SCHIP1: variants seen among roughly 807,000 people sequenced by gnomAD.
SCHIP1 encodes the protein schwannomin-interacting protein 1.
In SCHIP1, 8 loss-of-function variants were observed where a neutral mutation model predicts 29.7. The ratio of observed to expected loss-of-function variants is 0.27; its 90% CI spans 0.16 to 0.49. SCHIP1 has a LOEUF of 0.49. Ranked by LOEUF, SCHIP1 falls within the 20% of genes least tolerant of loss-of-function variation. SCHIP1 has a pLI of 0.99. For synonymous variants in SCHIP1, 76 were observed against 94.9 expected (o/e 0.80, Z 1.16); for missense variants, 193 against 294.6 (o/e 0.66, Z 2.52).
chr3:159,589,187 T>C, the SCHIP1 span, among the ~76,000 whole-genome samples: 1 of 152,190 alleles, frequency 6.6e-6, no homozygotes, highest in Non-Finnish European at 1.5e-5. Context: ...TCACATCCCT[T>C]GTAAGTTGGA....
the SCHIP1 span, among the ~76,000 whole-genome samples, chr3:159,828,950 T>C: frequency 6.6e-6 from 1 of 152,212 alleles, no homozygotes; most frequent in African/African-American, 2.4e-5. Context: ...AGTCTTGCCT[T>C]AGCCCTGGCA....
At chr3:159,295,250 T>C in the SCHIP1 span, among the ~76,000 whole-genome samples, 5 of 77,066 alleles carry the variant, frequency 6.5e-5, no homozygotes, top group South Asian at 1.4e-3. Flanking sequence ...ATTCTATCTC[T>C]ACTAAAAAAA....
At chr3:159,337,800 A>G in the SCHIP1 span, among the ~76,000 whole-genome samples, 4 of 152,174 alleles carry the variant, frequency 2.6e-5, no homozygotes, top group Non-Finnish European at 5.9e-5. Context: ...GTGTGGTGGC[A>G]TGAGATACTC....
the SCHIP1 span, among the ~76,000 whole-genome samples, chr3:159,442,188 G>T: frequency 6.6e-6 from 1 of 152,138 alleles, no homozygotes; most frequent in African/African-American, 2.4e-5. Flanking sequence ...GTATGCAAAA[G>T]AAACAGACTC....
exon 7 of SCHIP1, chr3:159,897,148 C>G (rs567595433): frequency 6.3e-6 from 1 of 158,180 alleles, no homozygotes; most frequent in African/African-American, 2.4e-5. Context: ...CTGTAAATGA[C>G]GGTGCTATAC....
At chr3:159,865,885 G>A (rs866261659) in intron 1 of SCHIP1, among the ~76,000 whole-genome samples, 2 of 152,164 alleles carry the variant, frequency 1.3e-5, no homozygotes, top group East Asian at 1.9e-4. Context: ...GAAAGATTAC[G>A]TGACAAATAA....
At chr3:159,792,466 C>T in the SCHIP1 span, among the ~76,000 whole-genome samples, 1 of 152,190 alleles carries the variant, frequency 6.6e-6, no homozygotes, top group Non-Finnish European at 1.5e-5. Flanking sequence ...ATAAAGGCTT[C>T]ATAAATGGTA....
At chr3:159,671,466 T>G in the SCHIP1 span, among the ~76,000 whole-genome samples, 63 of 152,296 alleles carry the variant, frequency 4.1e-4, no homozygotes, top group Admixed American at 9.2e-4. Context: ...CCAAGGCTCT[T>G]TCTCCCCATC....
intron 2 of SCHIP1, among the ~76,000 whole-genome samples, chr3:159,880,709 C>T (rs1381133333): frequency 6.6e-6 from 1 of 152,194 alleles, no homozygotes; most frequent in Non-Finnish European, 1.5e-5. Context: ...ATGAAATTTA[C>T]AGAACTATTA....
chr3:159,582,732 T>C, the SCHIP1 span, among the ~76,000 whole-genome samples: 1 of 150,818 alleles, frequency 6.6e-6, no homozygotes, highest in Non-Finnish European at 1.5e-5. Context: ...GGAACCAAAC[T>C]CAATATCTCT....
chr3:159,298,746 A>G, the SCHIP1 span, among the ~76,000 whole-genome samples: 1 of 152,236 alleles, frequency 6.6e-6, no homozygotes, highest in Non-Finnish European at 1.5e-5. Flanking sequence ...AAGGAGCAAT[A>G]ACACTGCAAG....
chr3:159,504,980 A>G, the SCHIP1 span, among the ~76,000 whole-genome samples: 1 of 152,208 alleles, frequency 6.6e-6, no homozygotes. Flanking sequence ...TTCAAAGGCC[A>G]GTAGGAGTTA....
the SCHIP1 span, among the ~76,000 whole-genome samples, chr3:159,670,709 A>G: frequency 6.6e-6 from 1 of 151,270 alleles, no homozygotes; most frequent in Non-Finnish European, 1.5e-5. Context: ...TTTTTTTAAA[A>G]AGATACTTCA....
At chr3:159,394,986 A>T in the SCHIP1 span, among the ~76,000 whole-genome samples, 2 of 152,120 alleles carry the variant, frequency 1.3e-5, no homozygotes, top group African/African-American at 2.4e-5. Flanking sequence ...ATTTTCACAA[A>T]TTCAGATCCT....
chr3:159,632,757 C>G, the SCHIP1 span, among the ~76,000 whole-genome samples: 31 of 152,116 alleles, frequency 2.0e-4, no homozygotes, highest in Non-Finnish European at 4.0e-4. Context: ...CAGGGGAGGA[C>G]GGACTATGAT....
the SCHIP1 span, among the ~76,000 whole-genome samples, chr3:159,443,214 A>G: frequency 6.6e-6 from 1 of 152,302 alleles, no homozygotes; most frequent in South Asian, 2.1e-4. Flanking sequence ...TCTTTTTGTA[A>G]TGGTAAAAAT....
At chr3:159,376,953 C>G in the SCHIP1 span, among the ~76,000 whole-genome samples, 1 of 152,194 alleles carries the variant, frequency 6.6e-6, no homozygotes, top group Non-Finnish European at 1.5e-5. Context: ...AATGTGCTAT[C>G]TGATTAATTT....
intron 2 of SCHIP1, among the ~76,000 whole-genome samples, chr3:159,871,650 G>A (rs973351641): frequency 2.6e-5 from 4 of 152,092 alleles, no homozygotes; most frequent in Non-Finnish European, 1.5e-5. Flanking sequence ...TATGAATTGC[G>A]ACTGAGAGAA....
chr3:159,490,363 G>T, the SCHIP1 span, among the ~76,000 whole-genome samples: 1 of 152,176 alleles, frequency 6.6e-6, no homozygotes, highest in East Asian at 1.9e-4. Context: ...GTTTAAAAAT[G>T]TAACAATATG....
Sources: gnomAD v4.1 joint callset for allele counts (sites outside exome capture counted in the v4.1 genomes callset) on GRCh38, gnomAD v4.1.1 for gene constraint, MANE v1.5 for transcripts, NCBI Gene and HGNC (gene_info 2026-07-23, HGNC 2026-07-21) for gene names.